The following GARS1 variants were observed in gnomAD, a reference collection of about 807,000 sequenced individuals.
GARS1 encodes the protein glycyl-tRNA synthetase 1, also known as glycine--tRNA ligase.
Under a neutral mutation model 86.4 loss-of-function variants are expected in GARS1, and 46 were observed. That is an observed-to-expected ratio of 0.53 (90% CI 0.42 to 0.68). The LOEUF (loss-of-function observed/expected upper bound fraction) is 0.68, where lower values mean the gene tolerates loss of function less well. Among genes scored for constraint, GARS1 ranks in the 30% least tolerant of loss-of-function variants. The probability of loss-of-function intolerance (pLI) is 0.00; values close to 1 mark genes in which losing one functional copy is unlikely to be tolerated. For missense variants in GARS1, 797 were observed against 915.6 expected (o/e 0.87, Z 1.67); for synonymous variants, 342 against 329.8 (o/e 1.04, Z -0.40).
At chr7:30,596,199 ATAATTCATTGGGGCATAGC>A (rs1791242943) in intron 1 of GARS1, among the ~76,000 whole-genome samples, 1 of 152,168 alleles carries the variant, frequency 6.6e-6, no homozygotes, top group Non-Finnish European at 1.5e-5. Context: ...TATCTCGGAA[ATAATTCATTGGGGCATAGC>A]TGCCGCAAAT....
intron 13 of GARS1, among the ~76,000 whole-genome samples, chr7:30,627,423 T>C (rs754605558): frequency 2.0e-5 from 3 of 152,242 alleles, no homozygotes; most frequent in African/African-American, 7.2e-5. Context: ...ATTAACTCTT[T>C]ATCATAGACA....
chr7:30,619,405 A>C (rs555180012), intron 10 of GARS1, among the ~76,000 whole-genome samples: 1 of 152,276 alleles, frequency 6.6e-6, no homozygotes, highest in African/African-American at 2.4e-5. Flanking sequence ...TAATAAAAAA[A>C]TTTACCGTTG....
Position 30,631,559 on chromosome 7 carries a change from G to C in GARS1, c.1903+18G>C. The C allele has an allele frequency of 6.5e-7, 1 of 1,534,698 alleles. No individual in the cohort carries two copies. The highest frequency in any genetic ancestry group is 9.0e-7 in the Non-Finnish European group (1 of 1,108,060). ...GGAATTATGTAAGCAAATTCAATTGGGTAAACTCCATGGGAACACCATCAA... is the reference window on the plus strand; with the variant it reads ...GGAATTATGTAAGCAAATTCAATTGCGTAAACTCCATGGGAACACCATCAA... On this transcript the variant is annotated intron_variant, in intron 15 of 16. Transcript: ENST00000389266.
chr7:30,598,721 A>G, intron 1 of GARS1, 75 bp from the exon 2 acceptor site: 2 of 1,251,812 alleles, frequency 1.6e-6, no homozygotes, highest in Non-Finnish European at 1.2e-6. Context: ...TTTAAAAGGC[A>G]CGCTTAAAAA....
intron 6 of GARS1, among the ~76,000 whole-genome samples, chr7:30,605,288 C>G (rs1791458679): frequency 6.6e-6 from 1 of 152,254 alleles, no homozygotes; most frequent in African/African-American, 2.4e-5. Context: ...GATTTAACAG[C>G]TCAGAACGAA....
At chr7:30,622,484 CT>C (rs778446610) in intron 12 of GARS1, 22 bp downstream of exon 12, 1 of 1,613,608 alleles carries the variant, frequency 6.2e-7, no homozygotes, top group African/African-American at 1.3e-5. Flanking sequence ...GATGTTTACT[CT>C]TCCATGGGCT....
intron 10 of GARS1, among the ~76,000 whole-genome samples, chr7:30,618,923 A>T (rs1005279484): frequency 1.3e-5 from 2 of 152,174 alleles, no homozygotes; most frequent in Non-Finnish European, 2.9e-5. Flanking sequence ...TAATTTCTTT[A>T]CACTTTTTAG....
At chr7:30,616,787 A>G (rs1030135245) in intron 9 of GARS1, among the ~76,000 whole-genome samples, 3 of 152,212 alleles carry the variant, frequency 2.0e-5, no homozygotes, top group African/African-American at 7.2e-5. Flanking sequence ...TGTCTTTGCC[A>G]TTCTTTAGTG....
intron 3 of GARS1, 61 bp downstream of exon 3, chr7:30,600,110 A>G (rs1584023022): frequency 8.5e-7 from 1 of 1,178,982 alleles, no homozygotes; most frequent in East Asian, 2.3e-5. Context: ...TTATACTTAA[A>G]TCAAGAACAT....
chr7:30,603,007 A>G (rs767336309), intron 4 of GARS1, 27 bp from the exon 5 acceptor site: 6 of 1,500,938 alleles, frequency 4.0e-6, no homozygotes, highest in Non-Finnish European at 5.6e-6. Context: ...TGAGAATGAC[A>G]AATTGGGTTG....
At chr7:30,614,766 C>G (rs1281802464) in intron 8 of GARS1, among the ~76,000 whole-genome samples, 1 of 151,414 alleles carries the variant, frequency 6.6e-6, no homozygotes, top group Non-Finnish European at 1.5e-5. Context: ...GTCCCAGCTA[C>G]TCGGGAGGCT....
intron 16 of GARS1, among the ~76,000 whole-genome samples, chr7:30,633,470 G>A (rs1783276945): frequency 6.6e-6 from 1 of 152,216 alleles, no homozygotes; most frequent in Non-Finnish European, 1.5e-5. Context: ...TTACTTGACT[G>A]AGTCCTGTTT....
intron 16 of GARS1, among the ~76,000 whole-genome samples, chr7:30,633,385 T>C (rs574950843): frequency 9.2e-5 from 14 of 152,350 alleles, no homozygotes; most frequent in African/African-American, 3.4e-4. Flanking sequence ...AGCCAGTGTT[T>C]GGTTTTGGCT....
Position 30,598,874 on chromosome 7 carries a change from C to T in GARS1, c.301C>T (p.Arg101Cys), listed in dbSNP as rs746056671. 63 of 1,613,860 alleles carry T rather than the reference C, an allele frequency of 3.9e-5. No homozygotes were observed. The Admixed American group carries it at 4.0e-4, about 10-fold the overall frequency. The part of the protein sequence containing the change: ...VDKAVAELKA[R>C]KRVLEAKELA... ...CAAAGCAGTGGCTGAGCTCAAAGCC[C>T]GCAAGAGGGTTCTGGAAGCAAAGGT... Residue 101 changes from arginine (R) to cysteine (C), a missense_variant, in exon 2 of 17, where the codon CGC (arginine) becomes TGC (cysteine). Physicochemically the swap from Arg to Cys is radical, Grantham distance 180. Around this residue, in one of 2 missense-constraint regions of GARS1, gnomAD observed 199 missense variants for 176.9 expected, o/e 1.12. Coordinates refer to ENST00000389266, the MANE Select transcript of GARS1 (RefSeq NM_002047.4).
intron 10 of GARS1, 97 bp from the exon 11 acceptor site, chr7:30,621,296 G>A (rs1435418034): frequency 4.2e-6 from 4 of 954,412 alleles, no homozygotes; most frequent in Non-Finnish European, 6.8e-6. Context: ...AATTATCATT[G>A]AATATATGAA....
intron 13 of GARS1, among the ~76,000 whole-genome samples, chr7:30,627,881 T>C (rs938979718): frequency 1.3e-5 from 2 of 152,268 alleles, no homozygotes; most frequent in Non-Finnish European, 2.9e-5. Flanking sequence ...CAAAATCTTA[T>C]TAAAAGCCTT....
intron 14 of GARS1, 96 bp from the exon 15 acceptor site, chr7:30,631,352 C>T: frequency 1.1e-6 from 1 of 928,976 alleles, no homozygotes; most frequent in Non-Finnish European, 1.7e-6. Flanking sequence ...TATGCTTGAA[C>T]ACTTGCTGAA....
chr7:30,597,858 TTTAA>T (rs1268537274), intron 1 of GARS1, among the ~76,000 whole-genome samples: 2 of 152,218 alleles, frequency 1.3e-5, no homozygotes, highest in African/African-American at 4.8e-5. Flanking sequence ...ATTTAACAAC[TTTAA>T]TTACTCAGCT....
chr7:30,614,931 C>T (rs1782861143), intron 8 of GARS1, among the ~76,000 whole-genome samples: 1 of 151,788 alleles, frequency 6.6e-6, no homozygotes, highest in South Asian at 2.1e-4. Flanking sequence ...TTTTTAGGAT[C>T]CATTTAAGCA....
Sources: allele counts gnomAD v4.1 joint callset (sites outside exome capture counted in the v4.1 genomes callset), GRCh38; gene constraint gnomAD v4.1.1; regional missense constraint gnomAD v4.1.1; transcripts MANE v1.5; gene names NCBI Gene and HGNC (gene_info 2026-07-23, HGNC 2026-07-21).